Variants in TNRC18 observed in about 807,000 individuals in gnomAD.
TNRC18 encodes trinucleotide repeat-containing gene 18 protein.
Under a neutral mutation model 226.7 loss-of-function variants are expected in TNRC18, and 69 were observed. That is an observed-to-expected ratio of 0.30 (90% CI 0.25 to 0.37). The LOEUF is 0.37. Ranked by LOEUF, TNRC18 falls within the 10% of genes least tolerant of loss-of-function variation. TNRC18 has a pLI of 1.00. For synonymous variants in TNRC18, 2,449 were observed against 1,927.6 expected (o/e 1.27, Z -7.09); for missense variants, 4,754 against 4,256.6 (o/e 1.12, Z -3.25).
At chr7:5,364,450 T>C (rs967061689) in intron 11 of TNRC18, among the ~76,000 whole-genome samples, 1 of 121,626 alleles carries the variant, frequency 8.2e-6, no homozygotes, top group African/African-American at 3.0e-5. Flanking sequence ...AGAGCGAGCC[T>C]GTCTCAAAGA....
intron 15 of TNRC18, among the ~76,000 whole-genome samples, chr7:5,358,948 G>T (rs941155434): frequency 2.0e-5 from 3 of 152,242 alleles, no homozygotes; most frequent in Admixed American, 6.5e-5. Flanking sequence ...GAAGAATCAA[G>T]GAGTTGGCTC....
At chr7:5,367,998 AC>A (rs1292285512) in intron 11 of TNRC18, among the ~76,000 whole-genome samples, 1 of 151,772 alleles carries the variant, frequency 6.6e-6, no homozygotes, top group East Asian at 1.9e-4. Context: ...AATCAGAGAT[AC>A]GGACAAAGTT....
chr7:5,366,318 CTTTTTT>C (rs202053648), intron 11 of TNRC18, among the ~76,000 whole-genome samples: 19 of 70,480 alleles, frequency 2.7e-4, no homozygotes, highest in Non-Finnish European at 3.7e-4. Flanking sequence ...CTTCTTATAT[CTTTTTT>C]TTTTTTTTTT....
chr7:5,376,853 G>A lies in TNRC18; in HGVS notation c.2602C>T (p.His868Tyr), dbSNP rs1253109567. ...ACATAGAAGGTCCACTTACCAAAGT[G>A]AGGAAGGTGATCACTGGGAATGACC... Reference protein sequence around the residue: ...LVVIPSDHLPHFAELMERATV... With the variant: ...LVVIPSDHLPYFAELMERATV... Residue 868 changes from histidine (H) to tyrosine (Y), a missense_variant, in exon 8 of 30, where the codon CAC (histidine) becomes TAC (tyrosine). His to Tyr is a moderately conservative substitution (Grantham distance 83). Transcript: ENST00000430969. 1 of 1,611,318 alleles carries A rather than the reference G, an allele frequency of 6.2e-7. No homozygotes were observed. The highest frequency in any genetic ancestry group is 1.1e-5 in the South Asian group (1 of 90,462).
At position 5,324,352 on chromosome 7, in the gene TNRC18, G is replaced by A. The variant is rs765959329; in HGVS notation, c.6304C>T (p.Arg2102Cys). 39 of 1,613,288 alleles carry A rather than the reference G, an allele frequency of 2.4e-5. No homozygotes were observed. The highest frequency in any genetic ancestry group is 6.7e-5 in the East Asian group (3 of 44,872). The change falls in exon 21 of 30, where the codon CGC becomes TGC. Residue 2102 changes from arginine (R) to cysteine (C), a missense_variant. Arg to Cys is a radical substitution (Grantham distance 180). Coordinates refer to ENST00000430969, the MANE Select transcript of TNRC18 (RefSeq NM_001080495.3). This position sits in a 1 kb window ranked among gnomAD's most constrained non-coding sequence, Gnocchi z 4.8. ...TTGCTCACGGCACCCCCCTTGCCGC[G>A]GTTCTGGGGACAGAACATGGCCGAC... is the stretch of plus-strand genomic sequence containing the variant. Reference protein sequence around the residue: ...AKGKEVKKENRGKGGAVSKLM... With the variant: ...AKGKEVKKENCGKGGAVSKLM...
In TNRC18 at chr7:5,333,908, T is replaced by G. The variant is rs556180024; in HGVS notation, c.5720-859A>C. Among the ~76,000 whole-genome samples the G allele has an allele frequency of 6.6e-5, 10 of 152,314 alleles. No homozygotes were observed. In the South Asian group the frequency reaches 2.1e-3, roughly 32 times the overall value. ...GCCCAGGTCCCAGCTTATCCCAGCC[T>G]GCCCTGACCCTGGGAAGCAGATCCG... On this transcript the variant is annotated intron_variant, in intron 18 of 29. Coordinates refer to ENST00000430969, the MANE Select transcript of TNRC18 (RefSeq NM_001080495.3).
In TNRC18 at chr7:5,309,858, T is replaced by G. The variant is rs1288353857; in HGVS notation, c.8389-490A>C. Among the ~76,000 whole-genome samples, 1 of 151,836 alleles carries G rather than the reference T, an allele frequency of 6.6e-6. No homozygotes were observed. The highest frequency in any genetic ancestry group is 6.6e-5 in the Admixed American group (1 of 15,238). The stretch of plus-strand genomic sequence containing the variant: ...CTCAAACCACCCTCCCACCTTTGCC[T>G]CCCAAAGCACTAGGATCGCAGTGTC... On this transcript the variant is annotated intron_variant, in intron 27 of 29. Transcript: ENST00000430969. The surrounding 1 kb of genome is among the most constrained non-coding windows in gnomAD (Gnocchi z 5.7).
Position 5,390,549 on chromosome 7 carries a change from G to A in TNRC18, c.423C>T (p.Pro141=), listed in dbSNP as rs140863662. ...TGGGCTGACCCAGCTGGCTGAGGAGGGGGCTCCCACTGCTGGGGGGCTCCA... is the reference window on the plus strand; with the variant it reads ...TGGGCTGACCCAGCTGGCTGAGGAGAGGGCTCCCACTGCTGGGGGGCTCCA... ...NHLEPPSSGS[P]LLSQLGQPSI... is the part of the protein sequence containing the mutation. The change falls in exon 4 of 30, where the codon CCC becomes CCT. Residue 141 remains proline (P), a synonymous_variant. Coordinates refer to ENST00000430969, the MANE Select transcript of TNRC18 (RefSeq NM_001080495.3). 6.8e-5 allele frequency: 109 copies of A among 1,613,606 alleles called. No individual in the cohort carries two copies. In the African/African-American group the frequency reaches 1.4e-3, roughly 20 times the overall value.
chr7:5,361,097 C>A (rs1202477884), intron 14 of TNRC18, among the ~76,000 whole-genome samples: 1 of 152,202 alleles, frequency 6.6e-6, no homozygotes, highest in African/African-American at 2.4e-5. Flanking sequence ...AAGACCCACA[C>A]AGGTGCCCCA....
intron 11 of TNRC18, among the ~76,000 whole-genome samples, chr7:5,365,024 T>C (rs12531340): frequency 0.074 from 10,189 of 138,560 alleles, 651 homozygotes; most frequent in African/African-American, 0.16. Context: ...CAGAATCATG[T>C]GGGGGGGCGG....
At chr7:5,356,042 T>C (rs553615215) in intron 16 of TNRC18, among the ~76,000 whole-genome samples, 9 of 152,020 alleles carry the variant, frequency 5.9e-5, no homozygotes, top group South Asian at 2.1e-4. Context: ...CACAAGCCTG[T>C]AGTCCCAGTT....
In TNRC18 at chr7:5,422,340, A is replaced by G. The variant is rs142946776; in HGVS notation, c.-243-851T>C. Among the ~76,000 whole-genome samples, 507 of 64,210 alleles carry G rather than the reference A, an allele frequency of 7.9e-3. 11 individuals carry two copies. In the East Asian group the frequency reaches 0.13, roughly 17 times the overall value. The allele number at this position is 64,210 out of a possible 152,430, so 42.1% of individuals were successfully genotyped here. A position where few individuals can be genotyped will look rare whatever the true frequency, so the allele number is the denominator to read the frequency against. On this transcript the variant is annotated intron_variant, in intron 1 of 29. Coordinates refer to ENST00000430969, the MANE Select transcript of TNRC18 (RefSeq NM_001080495.3). ...CTCCTACTCTAGCTTCCCCCCCCACAACCACCCCCCAAAATAACCTACAAA... is the reference window on the plus strand; with the variant it reads ...CTCCTACTCTAGCTTCCCCCCCCACGACCACCCCCCAAAATAACCTACAAA...
At chr7:5,411,681 A>G (rs1055920159) in intron 2 of TNRC18, among the ~76,000 whole-genome samples, 3 of 152,120 alleles carry the variant, frequency 2.0e-5, no homozygotes, top group Non-Finnish European at 2.9e-5. Flanking sequence ...CTACAGAAAG[A>G]AGGGAGTAAA....
At position 5,310,837 on chromosome 7, in the gene TNRC18, AC is replaced by A. The variant is rs1562472704; in HGVS notation, c.8389-1470del. ...GGCTCCCTGCCAGCCTGTCTGAACCACCACTTCTCACACTGGGTCCTGCCAT... is the reference window on the plus strand; with the variant it reads ...GGCTCCCTGCCAGCCTGTCTGAACCACACTTCTCACACTGGGTCCTGCCAT... On this transcript the variant is annotated intron_variant, in intron 27 of 29. Transcript: ENST00000430969. 2.0e-5 allele frequency among the ~76,000 whole-genome samples: 3 copies of A among 152,318 alleles called. No individual in the cohort carries two copies. In the South Asian group the frequency reaches 6.2e-4, roughly 32 times the overall value.
At chr7:5,376,454 T>C (rs1010674501) in intron 8 of TNRC18, among the ~76,000 whole-genome samples, 4 of 152,084 alleles carry the variant, frequency 2.6e-5, no homozygotes, top group South Asian at 2.1e-4. Context: ...CGGGGTGGGA[T>C]GTTCCCACAG....
rs79611206 is a variant in TNRC18, at chr7:5,370,506, G to A, written c.4088C>T (p.Ala1363Val). 383 of 1,595,908 alleles carry A rather than the reference G, an allele frequency of 2.4e-4. No individual in the cohort carries two copies. The African/African-American group carries it at 4.7e-3, about 20-fold the overall frequency. Residue 1363 changes from alanine (A) to valine (V), a missense_variant, in exon 11 of 30, where the codon GCT becomes GTT. Ala to Val is a moderately conservative substitution (Grantham distance 64, BLOSUM62 0). Coordinates refer to ENST00000430969, the MANE Select transcript of TNRC18 (RefSeq NM_001080495.3). ...QARPLPSPGA[A>V]GAQALEKLEA... Reference sequence around the variant, plus strand: ...CAGCTTCTCCAAGGCCTGGGCTCCAGCAGCACCCGGGGAGGGCAGAGGCCT... The same window carrying A: ...CAGCTTCTCCAAGGCCTGGGCTCCAACAGCACCCGGGGAGGGCAGAGGCCT...
rs58819185 is a variant in TNRC18 at position 5,313,621 on chromosome 7, G to C, written c.7270C>G (p.Pro2424Ala). ...GCAGGCATGGTGATGAGGGGTGCTGGGGCCAGGGAGGTGGCAGGAGCTGGC... is the reference window on the plus strand; with the variant it reads ...GCAGGCATGGTGATGAGGGGTGCTGCGGCCAGGGAGGTGGCAGGAGCTGGC... The part of the protein sequence containing the change: ...ELPAPATSLA[P>A]APLITMPATR... The change falls in exon 27 of 30, where the codon CCA (proline) becomes GCA (alanine). Residue 2424 changes from proline (P) to alanine (A), a missense_variant. By Grantham distance (27) the Pro-to-Ala change is conservative. Transcript: ENST00000430969. 0.011 allele frequency: 16,976 copies of C among 1,603,548 alleles called. 1,521 individuals carry two copies. In the African/African-American group the frequency reaches 0.2, roughly 19 times the overall value.
intron 18 of TNRC18, 45 bp downstream of exon 18, chr7:5,345,517 G>GGGGGGGGCCCCCCCCCCCCCCCC: frequency 4.2e-5 from 16 of 377,734 alleles, no homozygotes; most frequent in Non-Finnish European, 6.8e-5. Context: ...AATGGCGTCC[G>GGGGGGGGCCCCCCCCCCCCCCCC]CCCCTCCCAC....
Position 5,387,922 on chromosome 7 carries a change from C to T in TNRC18, c.1902G>A (p.Gln634=), listed in dbSNP as rs773817147. Residue 634 remains glutamine, a synonymous_variant, in exon 5 of 30, where the codon CAG becomes CAA. Coordinates refer to ENST00000430969, the MANE Select transcript of TNRC18 (RefSeq NM_001080495.3). ...GGCCTCCGGAGTGTGGGAGACGGGC[C>T]TGGGCTCGGGAGGCACCCGCAGAGG... ...APTSAGASRA[Q]ARLPHSGGPA... is the part of the protein sequence containing the mutation. 6.3e-7 allele frequency: 1 copy of T among 1,595,456 alleles called. No homozygotes were observed. Among genetic ancestry groups the T allele is most frequent in the South Asian group, 1.1e-5 (1 of 88,964 alleles).
Sources: gnomAD v4.1 joint callset for allele counts (sites outside exome capture counted in the v4.1 genomes callset) on GRCh38, gnomAD v4.1.1 for gene constraint, Gnocchi (gnomAD v3.1) non-coding constraint, MANE v1.5 for transcripts, NCBI Gene and HGNC (gene_info 2026-07-23, HGNC 2026-07-21) for gene names.